The following TRMT11 variants were observed in gnomAD, a reference collection of about 807,000 sequenced individuals.
The protein encoded by TRMT11 is tRNA (guanine(10)-N(2))-methyltransferase TRMT11.
Under a neutral mutation model 62.8 loss-of-function variants are expected in TRMT11, and 53 were observed. The observed-to-expected ratio is 0.84, with a 90% confidence interval of 0.68 to 1.06. The LOEUF (loss-of-function observed/expected upper bound fraction) is 1.06, where lower values mean the gene tolerates loss of function less well. Among genes scored for constraint, TRMT11 ranks in the 50% least tolerant of loss-of-function variants. The pLI, the probability that TRMT11 is intolerant of heterozygous loss-of-function variation, is 0.00. For missense variants in TRMT11, 556 were observed against 553.4 expected (o/e 1.00, Z -0.05); for synonymous variants, 188 against 190.3 (o/e 0.99, Z 0.10).
intron 21 of TRMT11, among the ~76,000 whole-genome samples, chr6:126,126,478 C>G (rs1381074740): frequency 6.6e-6 from 1 of 152,126 alleles, no homozygotes; most frequent in Non-Finnish European, 1.5e-5. Context: ...TGTTAACTCA[C>G]TGGACTCATT....
chr6:126,098,577 T>C (rs1384497780), intron 17 of TRMT11, among the ~76,000 whole-genome samples: 1 of 152,186 alleles, frequency 6.6e-6, no homozygotes, highest in African/African-American at 2.4e-5. Flanking sequence ...CAGCAGCAAT[T>C]CTCTGTCTTT....
the TRMT11 span, among the ~76,000 whole-genome samples, chr6:126,245,943 A>C: frequency 6.6e-6 from 1 of 152,204 alleles, no homozygotes; most frequent in Admixed American, 6.5e-5. Flanking sequence ...ATTATAAAAA[A>C]AGAAAAGAAA....
chr6:126,093,618 T>C (rs1195873555), intron 17 of TRMT11, among the ~76,000 whole-genome samples: 1 of 95,504 alleles, frequency 1.0e-5, no homozygotes, highest in African/African-American at 6.6e-5. Flanking sequence ...TATATATATA[T>C]ATATATATAT....
downstream of TRMT11, among the ~76,000 whole-genome samples, chr6:126,040,812 G>A (rs1031272620): frequency 6.6e-6 from 1 of 152,132 alleles, no homozygotes; most frequent in Non-Finnish European, 1.5e-5. Context: ...CCTTGGTGGT[G>A]TTCATCAGAG....
At chr6:126,155,013 G>A (rs113807226) in intron 21 of TRMT11, among the ~76,000 whole-genome samples, 3,483 of 152,222 alleles carry the variant, frequency 0.023, 121 homozygotes, top group African/African-American at 0.081. Context: ...ACCTTGTGGG[G>A]TTGGTCTCTA....
At chr6:126,263,547 G>A in the TRMT11 span, among the ~76,000 whole-genome samples, 1 of 152,188 alleles carries the variant, frequency 6.6e-6, no homozygotes, top group African/African-American at 2.4e-5. Context: ...AAGAGCTAAT[G>A]AGAGGTAATA....
the TRMT11 span, among the ~76,000 whole-genome samples, chr6:126,214,332 CT>C: frequency 6.6e-6 from 1 of 151,886 alleles, no homozygotes; most frequent in Admixed American, 6.6e-5. Flanking sequence ...CTTTAAATAT[CT>C]GGTAAAATTT....
chr6:125,998,436 T>C, intron 5 of TRMT11, 114 bp from the exon 6 acceptor site: 1 of 1,322,736 alleles, frequency 7.6e-7, no homozygotes, highest in Non-Finnish European at 1.0e-6. Flanking sequence ...TGCTAAGTGC[T>C]TTTCATGTTT....
intron 17 of TRMT11, among the ~76,000 whole-genome samples, chr6:126,063,335 T>C (rs1466745233): frequency 2.0e-5 from 3 of 152,210 alleles, no homozygotes; most frequent in African/African-American, 7.2e-5. Flanking sequence ...ATCCAGACTA[T>C]ACCATGTTGT....
At chr6:126,271,207 T>C in the TRMT11 span, among the ~76,000 whole-genome samples, 6,766 of 151,342 alleles carry the variant, frequency 0.045, 209 homozygotes, top group Non-Finnish European at 0.072. Context: ...CTACTAAAAA[T>C]ACAAAAATTA....
At chr6:126,151,811 T>TTTCTTTCA (rs1778046652) in intron 21 of TRMT11, among the ~76,000 whole-genome samples, 1 of 86,582 alleles carries the variant, frequency 1.2e-5, no homozygotes, top group Non-Finnish European at 2.5e-5. Flanking sequence ...CTGTCTTTTC[T>TTTCTTTCA]TTCTTTCTTT....
chr6:126,260,738 T>A, the TRMT11 span, among the ~76,000 whole-genome samples: 1 of 152,206 alleles, frequency 6.6e-6, no homozygotes, highest in Non-Finnish European at 1.5e-5. Flanking sequence ...AAACTCTCTT[T>A]TACTACATCA....
intron 11 of TRMT11, among the ~76,000 whole-genome samples, chr6:126,020,333 C>T (rs1795637880): frequency 6.6e-6 from 1 of 152,222 alleles, no homozygotes; most frequent in Non-Finnish European, 1.5e-5. Flanking sequence ...AGTGAGTCCC[C>T]TCCCTTGCTG....
chr6:125,996,124 T>C, intron 3 of TRMT11, 84 bp downstream of exon 3: 3 of 922,756 alleles, frequency 3.3e-6, no homozygotes, highest in Middle Eastern at 2.1e-4. Flanking sequence ...TATTGGGCAG[T>C]GTGAAGGCTC....
chr6:126,077,661 A>G (rs1777058299), intron 17 of TRMT11, among the ~76,000 whole-genome samples: 1 of 152,170 alleles, frequency 6.6e-6, no homozygotes, highest in Non-Finnish European at 1.5e-5. Context: ...TTAGAACAAC[A>G]TCTGTTGTCA....
chr6:126,047,277 T>A (rs1022790610), intron 16 of TRMT11, among the ~76,000 whole-genome samples: 7 of 151,500 alleles, frequency 4.6e-5, no homozygotes, highest in African/African-American at 1.7e-4. Context: ...CCATGCCCCC[T>A]TATCCTGTAC....
At chr6:126,111,464 G>A (rs960750206) in intron 17 of TRMT11, among the ~76,000 whole-genome samples, 1 of 151,942 alleles carries the variant, frequency 6.6e-6, no homozygotes, top group Non-Finnish European at 1.5e-5. Flanking sequence ...AATAACAAAA[G>A]TAAACAGCAT....
intron 12 of TRMT11, among the ~76,000 whole-genome samples, chr6:126,038,431 C>T (rs1775568315): frequency 9.7e-6 from 1 of 103,326 alleles, no homozygotes; most frequent in African/African-American, 4.5e-5. Context: ...TCTCTTTGCC[C>T]TGAGGCAAAA....
chr6:126,008,694 A>T, intron 8 of TRMT11: 1 of 683,896 alleles, frequency 1.5e-6, no homozygotes, highest in Non-Finnish European at 2.7e-6. Context: ...GAAGACCTTT[A>T]TGATGATCCA....
Sources: gnomAD v4.1 joint callset for allele counts (sites outside exome capture counted in the v4.1 genomes callset) on GRCh38, gnomAD v4.1.1 for gene constraint, MANE v1.5 for transcripts, NCBI Gene and HGNC (gene_info 2026-07-23, HGNC 2026-07-21) for gene names.